The following TOM1L2 variants were observed in gnomAD, a reference collection of about 807,000 sequenced individuals.
The protein encoded by TOM1L2 is target of myb1 like 2 membrane trafficking protein.
TOM1L2 carries 31 observed loss-of-function variants against 67.9 expected under a neutral mutation model. The observed-to-expected ratio is 0.46, with a 90% confidence interval of 0.34 to 0.62. The LOEUF (loss-of-function observed/expected upper bound fraction) is 0.62, where lower values mean the gene tolerates loss of function less well. Among genes scored for constraint, TOM1L2 ranks in the 20% least tolerant of loss-of-function variants. The probability of loss-of-function intolerance (pLI) is 0.01; values close to 1 mark genes in which losing one functional copy is unlikely to be tolerated. For missense variants in TOM1L2, 606 were observed against 663.5 expected, an observed-to-expected ratio of 0.91 and a Z score of 0.95; for synonymous variants, 256 against 254.0, an observed-to-expected ratio of 1.01 and a Z score of -0.07.
chr17:17,906,396 T>C (rs1316231135), intron 2 of TOM1L2, among the ~76,000 whole-genome samples: 1 of 152,104 alleles, frequency 6.6e-6, no homozygotes, highest in Admixed American at 6.5e-5. Context: ...CCCAAGGTGC[T>C]AGGATTACAG....
At chr17:17,888,170 C>G (rs1429383322) in intron 4 of TOM1L2, among the ~76,000 whole-genome samples, 1 of 152,180 alleles carries the variant, frequency 6.6e-6, no homozygotes, top group Non-Finnish European at 1.5e-5. Flanking sequence ...GTCACAGGAG[C>G]TAGCTGGTTA....
intron 1 of TOM1L2, among the ~76,000 whole-genome samples, chr17:17,945,497 G>C (rs1381536920): frequency 6.6e-6 from 1 of 152,146 alleles, no homozygotes; most frequent in Non-Finnish European, 1.5e-5. Context: ...AGACAATACA[G>C]ACCACAGATC....
intron 2 of TOM1L2, among the ~76,000 whole-genome samples, chr17:17,900,076 G>A (rs2038772057): frequency 6.6e-6 from 1 of 151,742 alleles, no homozygotes; most frequent in Non-Finnish European, 1.5e-5. Context: ...AGCTGGGTGT[G>A]GTGGCAGCTG....
intron 2 of TOM1L2, among the ~76,000 whole-genome samples, chr17:17,903,409 G>A (rs919855604): frequency 3.3e-5 from 5 of 152,074 alleles, no homozygotes; most frequent in African/African-American, 1.2e-4. Flanking sequence ...GGATCACGAG[G>A]TAAGGGGATC....
chr17:17,951,609 T>C (rs1367790832), intron 1 of TOM1L2, among the ~76,000 whole-genome samples: 2 of 152,206 alleles, frequency 1.3e-5, no homozygotes, highest in Non-Finnish European at 1.5e-5. Flanking sequence ...AAAGGGTTTT[T>C]AGCAAAAAAC....
intron 1 of TOM1L2, among the ~76,000 whole-genome samples, chr17:17,913,258 C>T (rs909391260): frequency 1.3e-4 from 19 of 143,342 alleles, no homozygotes; most frequent in Non-Finnish European, 2.2e-4. Context: ...CGTGGGGAGA[C>T]GGGAGAGGGA....
At chr17:17,920,550 G>A (rs2039818512) in intron 1 of TOM1L2, among the ~76,000 whole-genome samples, 1 of 151,906 alleles carries the variant, frequency 6.6e-6, no homozygotes, top group South Asian at 2.1e-4. Context: ...ATGTTGGCCA[G>A]GCTGGTCTCG....
At chr17:17,938,700 A>G (rs1223979314) in intron 1 of TOM1L2, among the ~76,000 whole-genome samples, 1 of 152,102 alleles carries the variant, frequency 6.6e-6, no homozygotes, top group Non-Finnish European at 1.5e-5. Flanking sequence ...TTACTGACTT[A>G]TAATATCCTA....
At chr17:17,878,811 G>C (rs1370737572) in intron 7 of TOM1L2, among the ~76,000 whole-genome samples, 1 of 152,240 alleles carries the variant, frequency 6.6e-6, no homozygotes, top group Admixed American at 6.5e-5. Flanking sequence ...CCACCCTCCA[G>C]AAGGTCACTG....
At chr17:17,936,109 C>T (rs2040505097) in intron 1 of TOM1L2, among the ~76,000 whole-genome samples, 1 of 152,220 alleles carries the variant, frequency 6.6e-6, no homozygotes, top group Non-Finnish European at 1.5e-5. Context: ...TGCTCCTGCC[C>T]TGTCTTCCTC....
At chr17:17,951,058 G>A (rs571312756) in intron 1 of TOM1L2, among the ~76,000 whole-genome samples, 14 of 152,304 alleles carry the variant, frequency 9.2e-5, no homozygotes, top group African/African-American at 3.4e-4. Flanking sequence ...TAACAAGCCA[G>A]GTAAGGGCTT....
At position 17,869,390 on chromosome 17, in the gene TOM1L2, C is replaced by G. The variant is rs371612900; in HGVS notation, c.861G>C (p.Glu287Asp). The change falls in exon 8 of 15, where the codon GAG (glutamate) becomes GAC (aspartate). Residue 287 changes from glutamate (E) to aspartate (D), a missense_variant. By Grantham distance (45) the Glu-to-Asp change is conservative. Transcript: ENST00000379504. The stretch of plus-strand genomic sequence containing the variant: ...TGAGGTCATCGTTCACATGCAGCAG[C>G]TCCTCGGTGACCTCCTCATTGGACA... ...SRVSNEEVTE[E>D]LLHVNDDLNN... The G allele has an allele frequency of 7.4e-6, 12 of 1,613,336 alleles. No individual in the cohort carries two copies. The highest frequency in any genetic ancestry group is 1.3e-5 in the African/African-American group (1 of 74,894).
chr17:17,868,894 T>G (rs2036993878), intron 8 of TOM1L2: 1 of 167,056 alleles, frequency 6.0e-6, no homozygotes, highest in Non-Finnish European at 1.3e-5. Flanking sequence ...GGGAAAAGCT[T>G]TTTTTCTTTT....
chr17:17,850,661 C>T (rs1424442980), intron 13 of TOM1L2, among the ~76,000 whole-genome samples: 1 of 152,166 alleles, frequency 6.6e-6, no homozygotes, highest in Non-Finnish European at 1.5e-5. Flanking sequence ...AGGCTGTGCC[C>T]AAGGCCTTGC....
chr17:17,887,530 A>C (rs2038060548), intron 4 of TOM1L2, among the ~76,000 whole-genome samples: 1 of 152,140 alleles, frequency 6.6e-6, no homozygotes, highest in Non-Finnish European at 1.5e-5. Flanking sequence ...CTGGAGTACA[A>C]TGGTGGTGCC....
At chr17:17,949,881 A>T (rs1014885401) in intron 1 of TOM1L2, among the ~76,000 whole-genome samples, 2 of 151,534 alleles carry the variant, frequency 1.3e-5, no homozygotes, top group Non-Finnish European at 2.9e-5. Context: ...TTATTTATTT[A>T]TTTTTTTGAG....
chr17:17,952,004 T>C (rs1309674983), intron 1 of TOM1L2, among the ~76,000 whole-genome samples: 2 of 152,210 alleles, frequency 1.3e-5, no homozygotes, highest in South Asian at 2.1e-4. Context: ...ATGAGCATTT[T>C]GTCCCTAGGA....
Position 17,856,074 on chromosome 17 carries a change from C to T in TOM1L2, c.1279-5122G>A, listed in dbSNP as rs923165501. 5.3e-5 allele frequency among the ~76,000 whole-genome samples: 8 copies of T among 152,194 alleles called. No individual in the cohort carries two copies. In the East Asian group the frequency reaches 1.3e-3, roughly 26 times the overall value. ...AGCTCTACGTGGGACCTGGCAGTGG[C>T]GAGGCAGTCTGTGTGGGCAGAGACA... On this transcript the variant is annotated intron_variant, in intron 12 of 14. Transcript: ENST00000379504.
At chr17:17,958,204 C>A (rs767041568) in intron 1 of TOM1L2, among the ~76,000 whole-genome samples, 2 of 152,084 alleles carry the variant, frequency 1.3e-5, no homozygotes, top group African/African-American at 4.8e-5. Context: ...AACAAACGAA[C>A]GAACAAACCA....
Sources: gnomAD v4.1 joint callset for allele counts (sites outside exome capture counted in the v4.1 genomes callset) on GRCh38, gnomAD v4.1.1 for gene constraint, MANE v1.5 for transcripts, NCBI Gene and HGNC (gene_info 2026-07-23, HGNC 2026-07-21) for gene names.